Variants in OPCML observed in about 807,000 individuals in gnomAD.
The protein encoded by OPCML is opioid binding protein/cell adhesion molecule like.
A neutral mutation model predicts 37.8 loss-of-function variants in OPCML; 13 were observed. The observed-to-expected ratio is 0.34, with a 90% CI of 0.22 to 0.55. OPCML has a LOEUF of 0.55. Among genes scored for constraint, OPCML ranks in the 20% least tolerant of loss-of-function variants. The pLI is 0.91. For missense variants in OPCML, 341 were observed against 435.6 expected (o/e 0.78, Z 1.93); for synonymous variants, 176 against 168.8 (o/e 1.04, Z -0.33).
intron 1 of OPCML, among the ~76,000 whole-genome samples, chr11:133,111,079 G>A (rs1181710594): frequency 6.6e-6 from 1 of 152,126 alleles, no homozygotes; most frequent in Non-Finnish European, 1.5e-5. Context: ...GTGTTTCTGG[G>A]TCAAAGTTAG....
chr11:133,431,162 G>A (rs74442530), intron 1 of OPCML, among the ~76,000 whole-genome samples: 123 of 152,182 alleles, frequency 8.1e-4, no homozygotes, highest in African/African-American at 2.9e-3. Context: ...TATTTATAAA[G>A]TATTTAGTAT....
At chr11:132,588,595 T>G (rs1349030239) in intron 3 of OPCML, among the ~76,000 whole-genome samples, 2 of 152,158 alleles carry the variant, frequency 1.3e-5, no homozygotes, top group Non-Finnish European at 2.9e-5. Context: ...TTAGGGATGA[T>G]TCACTGCCCC....
At chr11:133,315,605 C>G (rs1413998477) in intron 1 of OPCML, among the ~76,000 whole-genome samples, 1 of 152,176 alleles carries the variant, frequency 6.6e-6, no homozygotes, top group Non-Finnish European at 1.5e-5. Flanking sequence ...TTAAGACCAG[C>G]CTGGTCAACA....
Position 132,770,580 on chromosome 11 carries a change from A to G in OPCML, c.147-113261T>C, listed in dbSNP as rs540732581. Among the ~76,000 whole-genome samples the G allele has an allele frequency of 4.7e-4, 71 of 152,318 alleles. No homozygotes were observed. The South Asian group carries it at 0.011, about 24-fold the overall frequency. ...TAATTTCCCACCTGATTTTCCTACC[A>G]GGTGGCTAAGTCACAGGTGTTTAAG... On this transcript the variant is annotated intron_variant, in intron 2 of 7. Transcript: ENST00000524381.
chr11:133,297,393 T>C (rs1942656930), intron 1 of OPCML: 1 of 152,220 alleles, frequency 6.6e-6, no homozygotes, highest in South Asian at 2.1e-4. Flanking sequence ...GCAAAGGCCA[T>C]GCACCCTGCT....
intron 1 of OPCML, among the ~76,000 whole-genome samples, chr11:133,041,684 C>T (rs931415509): frequency 2.0e-5 from 3 of 152,164 alleles, no homozygotes; most frequent in Admixed American, 6.5e-5. Flanking sequence ...TCCAAAGAAT[C>T]TTCTATCAGC....
rs193155870 is a variant in OPCML at position 132,855,049 on chromosome 11, T to C, written c.146+87877A>G. Among the ~76,000 whole-genome samples the C allele has an allele frequency of 1.8e-4, 27 of 152,314 alleles. No homozygotes were observed. The East Asian group carries it at 3.3e-3, about 19-fold the overall frequency. On this transcript the variant is annotated intron_variant, in intron 2 of 7. Coordinates refer to ENST00000524381, the MANE Select transcript of OPCML (RefSeq NM_001012393.5). Reference sequence around the variant, plus strand: ...GTAAAGCTAATAAAAGGCTATGAGATTAGGATTATGGGAGGGGCCTGAATT... The same window carrying C: ...GTAAAGCTAATAAAAGGCTATGAGACTAGGATTATGGGAGGGGCCTGAATT...
intron 1 of OPCML, among the ~76,000 whole-genome samples, chr11:133,522,972 G>A (rs566864397): frequency 2.0e-5 from 3 of 152,262 alleles, no homozygotes; most frequent in East Asian, 1.9e-4. Flanking sequence ...GCTTTGCATC[G>A]TGATAATATT....
At chr11:132,613,515 G>T (rs1353753829) in intron 3 of OPCML, among the ~76,000 whole-genome samples, 2 of 152,128 alleles carry the variant, frequency 1.3e-5, no homozygotes, top group East Asian at 3.9e-4. Flanking sequence ...ATTCTTCTCT[G>T]CCAAACCATT....
intron 1 of OPCML, among the ~76,000 whole-genome samples, chr11:133,284,047 A>T (rs1942233489): frequency 6.6e-6 from 1 of 152,210 alleles, no homozygotes; most frequent in African/African-American, 2.4e-5. Flanking sequence ...ATGGAGAATC[A>T]CTGGAAATAT....
chr11:132,436,980 T>C, intron 5 of OPCML: 3 of 932,858 alleles, frequency 3.2e-6, no homozygotes, highest in Non-Finnish European at 2.6e-6. Context: ...CAACCTCTTT[T>C]TCAGGCCTCC....
In OPCML at chr11:132,723,338, G is replaced by C. The variant is rs577805071; in HGVS notation, c.147-66019C>G. Among the ~76,000 whole-genome samples, 7 of 152,346 alleles carry C rather than the reference G, an allele frequency of 4.6e-5. No homozygotes were observed. In the South Asian group the frequency reaches 1.5e-3, roughly 32 times the overall value. On this transcript the variant is annotated intron_variant, in intron 2 of 7. Coordinates refer to ENST00000524381, the MANE Select transcript of OPCML (RefSeq NM_001012393.5). ...TTAGGTGAGGGGAAGCATTACAGCA[G>C]AGTGGGTAAGAGCATGGGCTTTGAG...
At chr11:132,541,199 A>G (rs1452929941) in intron 3 of OPCML, among the ~76,000 whole-genome samples, 1 of 152,164 alleles carries the variant, frequency 6.6e-6, no homozygotes, top group Non-Finnish European at 1.5e-5. Context: ...TCTCACAGGA[A>G]GGCCCCCTGA....
At chr11:133,491,677 G>A (rs1375831717) in intron 1 of OPCML, among the ~76,000 whole-genome samples, 14 of 152,152 alleles carry the variant, frequency 9.2e-5, no homozygotes, top group Admixed American at 9.2e-4. Context: ...AGCATGATGA[G>A]GTTTGAAATC....
At chr11:133,234,922 C>T (rs556552073) in intron 1 of OPCML, among the ~76,000 whole-genome samples, 3 of 152,192 alleles carry the variant, frequency 2.0e-5, no homozygotes, top group South Asian at 2.1e-4. Flanking sequence ...TTCCATGGTG[C>T]GGATGGTCTG....
Position 132,467,632 on chromosome 11 carries a change from C to A in OPCML, c.506-30273G>T, listed in dbSNP as rs569079552. Among the ~76,000 whole-genome samples the A allele has an allele frequency of 2.0e-5, 3 of 152,276 alleles. No homozygotes were observed. The South Asian group carries it at 6.2e-4, about 32-fold the overall frequency. ...GGCTGGCACACCAACGCCCAGATGC[C>A]ATGAGGGTATGCTCACTGGAGAATA... On this transcript the variant is annotated intron_variant, in intron 4 of 7. Coordinates refer to ENST00000524381, the MANE Select transcript of OPCML (RefSeq NM_001012393.5).
Position 132,441,158 on chromosome 11 carries a change from C to CTTTTTTTTTTTTTTTTTTTTT in OPCML, c.506-3800_506-3799insAAAAAAAAAAAAAAAAAAAAA, listed in dbSNP as rs749099654. On this transcript the variant is annotated intron_variant, in intron 4 of 7. Coordinates refer to ENST00000524381, the MANE Select transcript of OPCML (RefSeq NM_001012393.5). ...ATTCTGAAGATGTGTTCACCAAGGA[C>CTTTTTTTTTTTTTTTTTTTTT]TTTTTTGTTTTTTTTTTTTTTTTTT... is the stretch of plus-strand genomic sequence containing the variant. 6.6e-4 allele frequency among the ~76,000 whole-genome samples: 71 copies of CTTTTTTTTTTTTTTTTTTTTT among 108,048 alleles called. 11 individuals are homozygous for CTTTTTTTTTTTTTTTTTTTTT. The highest frequency in any genetic ancestry group is 1.9e-3 in the African/African-American group (44 of 22,762). The allele number at this position is 108,048 out of a possible 152,430, so 70.9% of individuals were successfully genotyped here. A position where few individuals can be genotyped will look rare whatever the true frequency, so the allele number is the denominator to read the frequency against.
chr11:132,540,376 T>C (rs1239386770), intron 3 of OPCML, among the ~76,000 whole-genome samples: 1 of 152,186 alleles, frequency 6.6e-6, no homozygotes, highest in African/African-American at 2.4e-5. Context: ...GCTCAATCAA[T>C]ATGTGCTAAA....
intron 1 of OPCML, among the ~76,000 whole-genome samples, chr11:133,283,142 G>C (rs1326469323): frequency 6.6e-6 from 1 of 152,220 alleles, no homozygotes; most frequent in East Asian, 1.9e-4. Flanking sequence ...TGATATTTTG[G>C]GGGGTAGGGA....
Sources: gnomAD v4.1 joint callset for allele counts (sites outside exome capture counted in the v4.1 genomes callset) on GRCh38, gnomAD v4.1.1 for gene constraint, MANE v1.5 for transcripts, NCBI Gene and HGNC (gene_info 2026-07-23, HGNC 2026-07-21) for gene names.